Variants in ARHGEF7 observed in about 807,000 individuals in gnomAD.
ARHGEF7 encodes PAK-interacting exchange factor beta.
A neutral mutation model predicts 109.8 loss-of-function variants in ARHGEF7; 33 were observed. That is an observed-to-expected ratio of 0.30 (90% CI 0.23 to 0.40). ARHGEF7 has a LOEUF of 0.40. Ranked by LOEUF, ARHGEF7 falls within the 10% of genes least tolerant of loss-of-function variation. The probability of loss-of-function intolerance (pLI) is 1.00; values close to 1 mark genes in which losing one functional copy is unlikely to be tolerated. For synonymous variants in ARHGEF7, 458 were observed against 424.6 expected, an observed-to-expected ratio of 1.08 and a Z score of -0.97; for missense variants, 938 against 1,098.5, an observed-to-expected ratio of 0.85 and a Z score of 2.07.
intron 2 of ARHGEF7, among the ~76,000 whole-genome samples, chr13:111,193,581 G>A (rs756001458): frequency 1.3e-5 from 2 of 152,190 alleles, no homozygotes; most frequent in Non-Finnish European, 2.9e-5. Context: ...AAGCGTACTT[G>A]CTATCTGTAT....
In ARHGEF7 at chr13:111,221,546, C is replaced by CGTATCTAT. The variant is rs1566876623; in HGVS notation, c.670+3666_670+3667insGTATCTAT. Among the ~76,000 whole-genome samples the CGTATCTAT allele has an allele frequency of 2.4e-3, 120 of 49,192 alleles. 5 individuals carry two copies. Among genetic ancestry groups the CGTATCTAT allele is most frequent in the African/African-American group, 7.9e-3 (113 of 14,246 alleles). 32.3% of individuals were successfully genotyped at this position (49,192 alleles called of 152,430 possible). A position where few individuals can be genotyped will look rare whatever the true frequency, so the allele number is the denominator to read the frequency against. ...ATCTATATATATCTATATATAGATA[C>CGTATCTAT]ATATCTATATATCTATATATATAGA... On this transcript the variant is annotated intron_variant, in intron 5 of 21. Transcript: ENST00000646102.
chr13:111,135,676 C>T (rs2075050941), intron 1 of ARHGEF7, among the ~76,000 whole-genome samples: 1 of 152,208 alleles, frequency 6.6e-6, no homozygotes, highest in Non-Finnish European at 1.5e-5. Flanking sequence ...AGTTGCTTAT[C>T]AGCTTAAGGA....
chr13:111,139,753 G>T (rs1163407805), intron 1 of ARHGEF7, among the ~76,000 whole-genome samples: 1 of 152,244 alleles, frequency 6.6e-6, no homozygotes, highest in Non-Finnish European at 1.5e-5. Flanking sequence ...AGCTTGCTCT[G>T]GACAGCACTG....
chr13:111,116,761 T>G (rs2066817210), intron 1 of ARHGEF7, among the ~76,000 whole-genome samples: 1 of 152,208 alleles, frequency 6.6e-6, no homozygotes. Flanking sequence ...AGTAAAATGT[T>G]TAATTTTTTT....
In ARHGEF7 at chr13:111,277,604, T is replaced by C. The variant is rs145693330; in HGVS notation, c.1437T>C (p.Tyr479=). ...TGTATTAGGAAAAGAATGAAAGATA[T>C]CTTCTACTCTTCCCAAATGTTTTGC... is the stretch of plus-strand genomic sequence containing the variant. ...CAGSEEKNER[Y]LLLFPNVLLM... Residue 479 remains tyrosine (Y), a synonymous_variant, in exon 13 of 22, where the codon TAT becomes TAC. Coordinates refer to ENST00000646102, the MANE Select transcript of ARHGEF7 (RefSeq NM_001354046.2). The C allele has an allele frequency of 6.8e-5, 109 of 1,603,448 alleles. No homozygotes were observed. Among genetic ancestry groups the C allele is most frequent in the Non-Finnish European group, 8.9e-5 (104 of 1,171,290 alleles).
chr13:111,115,526 G>A lies in ARHGEF7; in HGVS notation c.-1G>A, dbSNP rs138567576. The stretch of plus-strand genomic sequence containing the variant: ...CCCCGCCTGCCTCCCGGGCCGCAGC[G>A]ATGAATTCCGCCGAGCAAACCGTTA... On this transcript the variant is annotated 5_prime_UTR_variant, in exon 1 of 22. Coordinates refer to ENST00000646102, the MANE Select transcript of ARHGEF7 (RefSeq NM_001354046.2). 3.5e-4 allele frequency: 466 copies of A among 1,338,140 alleles called. 3 individuals carry two copies. The African/African-American group carries it at 6.6e-3, about 19-fold the overall frequency. The allele number at this position is 1,338,140 out of a possible 1,614,324, so 82.9% of individuals were successfully genotyped here.
At chr13:111,281,209 T>TTTTTTTA (rs1555400140) in intron 15 of ARHGEF7, 1 of 118,710 alleles carries the variant, frequency 8.4e-6, no homozygotes, top group Non-Finnish European at 1.8e-5. Flanking sequence ...TTTTTTTTTT[T>TTTTTTTA]ACAACTTTTC....
chr13:111,269,801 C>A (rs2091987549), intron 9 of ARHGEF7, among the ~76,000 whole-genome samples: 1 of 152,190 alleles, frequency 6.6e-6, no homozygotes, highest in African/African-American at 2.4e-5. Flanking sequence ...GATTCCTCCC[C>A]ACCCCAAAGA....
At chr13:111,194,850 C>T (rs556141254) in intron 2 of ARHGEF7, among the ~76,000 whole-genome samples, 1 of 152,300 alleles carries the variant, frequency 6.6e-6, no homozygotes, top group African/African-American at 2.4e-5. Context: ...TGAGTCAGTG[C>T]AGGGGAATAC....
intron 15 of ARHGEF7, 61 bp from the exon 16 acceptor site, chr13:111,283,078 C>CT (rs2092854731): frequency 6.5e-7 from 1 of 1,531,882 alleles, no homozygotes. Context: ...GATAAGTGCC[C>CT]TTTCGCGGTG....
intron 2 of ARHGEF7, among the ~76,000 whole-genome samples, chr13:111,163,750 A>G (rs1022685347): frequency 7.2e-5 from 11 of 151,980 alleles, no homozygotes; most frequent in Admixed American, 5.9e-4. Context: ...GCCCAGGCTG[A>G]TCTCTAACTC....
At chr13:111,202,440 T>C (rs567184968) in intron 2 of ARHGEF7, among the ~76,000 whole-genome samples, 1 of 152,326 alleles carries the variant, frequency 6.6e-6, no homozygotes, top group Admixed American at 6.5e-5. Context: ...TAGCTCCTGC[T>C]GAGAATTGCT....
intron 5 of ARHGEF7, among the ~76,000 whole-genome samples, chr13:111,232,717 CCTT>C (rs1229018482): frequency 6.6e-6 from 1 of 152,122 alleles, no homozygotes; most frequent in Non-Finnish European, 1.5e-5. Flanking sequence ...TCTTTCTCCT[CCTT>C]GTCTCCTGTG....
At chr13:111,279,349 C>G (rs1287817295) in intron 13 of ARHGEF7, among the ~76,000 whole-genome samples, 1 of 152,054 alleles carries the variant, frequency 6.6e-6, no homozygotes, top group Non-Finnish European at 1.5e-5. Context: ...TGAGACTGTC[C>G]TGGGCACTGT....
chr13:111,135,425 C>T (rs1290557950), intron 1 of ARHGEF7, among the ~76,000 whole-genome samples: 1 of 152,150 alleles, frequency 6.6e-6, no homozygotes, highest in Admixed American at 6.6e-5. Flanking sequence ...ATTCTTCCTA[C>T]CCATGAGCAT....
Position 111,146,726 on chromosome 13 carries a change from G to A in ARHGEF7, c.166-7179G>A, listed in dbSNP as rs114191951. On this transcript the variant is annotated intron_variant, in intron 1 of 21. Coordinates refer to ENST00000646102, the MANE Select transcript of ARHGEF7 (RefSeq NM_001354046.2). ...CTGAGAGGTGGCAGCTGTCTTAGTC[G>A]GCTCTCTGCTTTGGTTGAGGGTGGA... is the stretch of plus-strand genomic sequence containing the variant. Among the ~76,000 whole-genome samples the A allele has an allele frequency of 1.7e-3, 256 of 152,150 alleles. 1 individual carries two copies. Among genetic ancestry groups the A allele is most frequent in the African/African-American group, 5.8e-3 (242 of 41,514 alleles).
intron 8 of ARHGEF7, among the ~76,000 whole-genome samples, chr13:111,256,700 T>A (rs138194809): frequency 6.6e-6 from 1 of 152,224 alleles, no homozygotes; most frequent in African/African-American, 2.4e-5. Context: ...TAGTGTATCT[T>A]TAACTCTTCC....
intron 4 of ARHGEF7, among the ~76,000 whole-genome samples, chr13:111,216,724 AG>A (rs2083193987): frequency 6.6e-6 from 1 of 152,022 alleles, no homozygotes; most frequent in Admixed American, 6.5e-5. Context: ...GGTAGGGAAG[AG>A]GGGTGGGCCG....
chr13:111,276,256 C>G (rs189391158), intron 12 of ARHGEF7, among the ~76,000 whole-genome samples: 2 of 152,282 alleles, frequency 1.3e-5, no homozygotes, highest in East Asian at 1.9e-4. Flanking sequence ...ACAGGCACCT[C>G]TTTCTGAATT....
Sources: gnomAD v4.1 joint callset for allele counts (sites outside exome capture counted in the v4.1 genomes callset) on GRCh38, gnomAD v4.1.1 for gene constraint, MANE v1.5 for transcripts, NCBI Gene and HGNC (gene_info 2026-07-23, HGNC 2026-07-21) for gene names.